CRADD: variants seen among roughly 807,000 people sequenced by gnomAD.
The protein encoded by CRADD is CARD and death domain containing adaptor protein.
CRADD carries 9 observed loss-of-function variants against 15.5 expected under a neutral mutation model. The ratio of observed to expected loss-of-function variants is 0.58; its 90% CI spans 0.35 to 1.01. The LOEUF is 1.01. CRADD is among the 50% of genes least tolerant of loss of function. The pLI, the probability that CRADD is intolerant of heterozygous loss-of-function variation, is 0.02. For missense variants in CRADD, 227 were observed against 250.3 expected, an observed-to-expected ratio of 0.91 and a Z score of 0.63; for synonymous variants, 118 against 107.6, an observed-to-expected ratio of 1.10 and a Z score of -0.60.
At chr12:93,759,869 G>A (rs1956930012) in intron 2 of CRADD, among the ~76,000 whole-genome samples, 1 of 152,172 alleles carries the variant, frequency 6.6e-6, no homozygotes, top group Admixed American at 6.5e-5. Context: ...TGGACTTCCA[G>A]GAATAGAAAT....
rs73359675 is a variant in CRADD at position 93,698,816 on chromosome 12, C to T, written c.298+19744C>T. On this transcript the variant is annotated intron_variant, in intron 2 of 2. Coordinates refer to ENST00000332896, the MANE Select transcript of CRADD (RefSeq NM_003805.5). The stretch of plus-strand genomic sequence containing the variant: ...AAGATTACATGATGTTTGAAAATCA[C>T]ATGAAATGCAAATTTCAGTGTCTAT... Among the ~76,000 whole-genome samples, 808 of 152,278 alleles carry T rather than the reference C, an allele frequency of 5.3e-3. 3 individuals are homozygous for T. The highest frequency in any genetic ancestry group is 0.018 in the African/African-American group (763 of 41,554).
At chr12:93,682,163 T>C (rs1400648313) in intron 2 of CRADD, among the ~76,000 whole-genome samples, 1 of 152,160 alleles carries the variant, frequency 6.6e-6, no homozygotes. Context: ...AACGTCCCTA[T>C]AAAAAAGAAA....
intron 2 of CRADD, among the ~76,000 whole-genome samples, chr12:93,746,402 T>C (rs1956751552): frequency 6.6e-6 from 1 of 152,210 alleles, no homozygotes; most frequent in Non-Finnish European, 1.5e-5. Flanking sequence ...AATATTCCAA[T>C]ATGCTCCTCA....
intron 2 of CRADD, among the ~76,000 whole-genome samples, chr12:93,737,106 C>T (rs1476870441): frequency 6.6e-6 from 1 of 152,030 alleles, no homozygotes; most frequent in Non-Finnish European, 1.5e-5. Flanking sequence ...GCATAGGCTG[C>T]CTATTGAAGA....
At chr12:93,856,288 G>C (rs1958274349) in intron 2 of CRADD, among the ~76,000 whole-genome samples, 1 of 152,224 alleles carries the variant, frequency 6.6e-6, no homozygotes, top group African/African-American at 2.4e-5. Flanking sequence ...AGTTGGGGTG[G>C]ATTCTGATCT....
At chr12:93,808,935 A>T (rs541764672) in intron 2 of CRADD, among the ~76,000 whole-genome samples, 1 of 151,946 alleles carries the variant, frequency 6.6e-6, no homozygotes, top group South Asian at 2.1e-4. Context: ...TTTTTTTGAG[A>T]TTGAGTTTCA....
chr12:93,779,808 C>CG lies in CRADD; in HGVS notation c.299-70161dup, dbSNP rs764991480. On this transcript the variant is annotated intron_variant, in intron 2 of 2. Transcript: ENST00000332896. ...TTCACCATGTTGGCCAGGCTGGTCT[C>CG]GAACTCCTGACCTCAGGTGATCTGC... Among the ~76,000 whole-genome samples, 21 of 152,194 alleles carry CG rather than the reference C, an allele frequency of 1.4e-4. 2 individuals carry two copies. The highest frequency in any genetic ancestry group is 1.2e-3 in the Admixed American group (19 of 15,296).
intron 2 of CRADD, among the ~76,000 whole-genome samples, chr12:93,809,780 A>C (rs575475404): frequency 2.6e-5 from 4 of 152,328 alleles, no homozygotes; most frequent in Admixed American, 2.0e-4. Context: ...TACATATATG[A>C]AAATGTGAAC....
At chr12:93,835,669 A>T (rs541737058) in intron 2 of CRADD, among the ~76,000 whole-genome samples, 1 of 152,266 alleles carries the variant, frequency 6.6e-6, no homozygotes, top group Non-Finnish European at 1.5e-5. Context: ...GATATAAATA[A>T]TTTTGAGCCA....
Position 93,850,289 on chromosome 12 carries a change from G to T in CRADD, c.*18G>T. ...TGGAGTGATGGTGCCTCCAGCAACCGCTGGGGAGTGTGTCCCTGAGTCATG... is the reference window on the plus strand; with the variant it reads ...TGGAGTGATGGTGCCTCCAGCAACCTCTGGGGAGTGTGTCCCTGAGTCATG... On this transcript the variant is annotated 3_prime_UTR_variant, in exon 3 of 3. Transcript: ENST00000332896. This position sits in a 1 kb window ranked among gnomAD's most constrained non-coding sequence, Gnocchi z 4.0. 1 of 1,573,338 alleles carries T rather than the reference G, an allele frequency of 6.4e-7. No homozygotes were observed.
chr12:93,809,349 T>C (rs1221972739), intron 2 of CRADD, among the ~76,000 whole-genome samples: 1 of 152,256 alleles, frequency 6.6e-6, no homozygotes, highest in Non-Finnish European at 1.5e-5. Context: ...AGAGTAGTTC[T>C]GCCTCAGTTT....
intron 2 of CRADD, among the ~76,000 whole-genome samples, chr12:93,829,685 G>GTTT (rs1340800543): frequency 1.2e-4 from 17 of 143,856 alleles, no homozygotes; most frequent in South Asian, 6.7e-4. Context: ...TAAAGTTTTG[G>GTTT]TTTTTTGTTG....
chr12:93,779,480 G>A (rs1274745898), intron 2 of CRADD, among the ~76,000 whole-genome samples: 1 of 151,546 alleles, frequency 6.6e-6, no homozygotes, highest in Non-Finnish European at 1.5e-5. Context: ...TCAACATATA[G>A]AGACTTGAAA....
intron 2 of CRADD, among the ~76,000 whole-genome samples, chr12:93,887,760 C>T (rs571446625): frequency 8.5e-5 from 13 of 152,320 alleles, no homozygotes; most frequent in South Asian, 6.2e-4. Flanking sequence ...GCACATACTA[C>T]GTGCCTGGCT....
chr12:93,894,338 A>G, exon 3 of CRADD: 1 of 567,284 alleles, frequency 1.8e-6, no homozygotes. Flanking sequence ...TAAACCTACA[A>G]TGCTCAGATG....
intron 2 of CRADD, among the ~76,000 whole-genome samples, chr12:93,694,212 C>T (rs900303383): frequency 6.6e-6 from 1 of 152,066 alleles, no homozygotes; most frequent in African/African-American, 2.4e-5. Context: ...GAATGAAGGA[C>T]AAAAACTATA....
At chr12:93,778,724 T>C (rs78061919) in intron 2 of CRADD, among the ~76,000 whole-genome samples, 1 of 130,080 alleles carries the variant, frequency 7.7e-6, no homozygotes, top group Non-Finnish European at 1.6e-5. Context: ...TTTTGGTTGG[T>C]TTTTTTTTTT....
intron 2 of CRADD, among the ~76,000 whole-genome samples, chr12:93,817,913 A>G (rs1957725163): frequency 6.6e-6 from 1 of 152,046 alleles, no homozygotes; most frequent in African/African-American, 2.4e-5. Flanking sequence ...ATAAGAAGAA[A>G]AGCTGCTTTC....
At chr12:93,848,849 A>T (rs1374628973) in intron 2 of CRADD, 1 of 152,228 alleles carries the variant, frequency 6.6e-6, no homozygotes. Context: ...GCTTCTTAGC[A>T]GACTGGCCTC....
Sources: gnomAD v4.1 joint callset for allele counts (sites outside exome capture counted in the v4.1 genomes callset) on GRCh38, gnomAD v4.1.1 for gene constraint, Gnocchi (gnomAD v3.1) non-coding constraint, MANE v1.5 for transcripts, NCBI Gene and HGNC (gene_info 2026-07-23, HGNC 2026-07-21) for gene names.